COL5A1: variants seen among roughly 807,000 people sequenced by gnomAD.
COL5A1 encodes collagen alpha-1(V) chain.
A neutral mutation model predicts 263.7 loss-of-function variants in COL5A1; 16 were observed. That is an observed-to-expected ratio of 0.06 (90% CI 0.04 to 0.09). COL5A1 has a LOEUF of 0.09. Among genes scored for constraint, COL5A1 ranks in the 10% least tolerant of loss-of-function variants. The pLI is 1.00. For synonymous variants in COL5A1, 1,012 were observed against 1,004.5 expected, an observed-to-expected ratio of 1.01 and a Z score of -0.14; for missense variants, 2,036 against 2,540.5, an observed-to-expected ratio of 0.80 and a Z score of 4.27.
At chr9:134,672,730 G>A (rs1310200451) in intron 1 of COL5A1, among the ~76,000 whole-genome samples, 1 of 152,148 alleles carries the variant, frequency 6.6e-6, no homozygotes, top group Non-Finnish European at 1.5e-5. Flanking sequence ...AAGTAAAACT[G>A]TCTTTATTTG....
chr9:134,810,035 T>C (rs1282588660), intron 43 of COL5A1, among the ~76,000 whole-genome samples: 2 of 152,234 alleles, frequency 1.3e-5, no homozygotes, highest in Non-Finnish European at 2.9e-5. Context: ...TCAAGTCTAC[T>C]AAAAGCCTGT....
At position 134,839,260 on chromosome 9, in the gene COL5A1, C is replaced by T. The variant is rs527693618; in HGVS notation, c.5371-2897C>T. ...TAAATCCTGGTGTTTGTGCAGCTTT[C>T]GGCGCCTCTGGGGGGCCGTTCTGGC... On this transcript the variant is annotated intron_variant, in intron 65 of 65. Coordinates refer to ENST00000371817, the MANE Select transcript of COL5A1 (RefSeq NM_000093.5). Among the ~76,000 whole-genome samples the T allele has an allele frequency of 9.8e-5, 15 of 152,326 alleles. 1 individual carries two copies. Among genetic ancestry groups the T allele is most frequent in the South Asian group, 8.3e-4 (4 of 4,826 alleles).
At chr9:134,733,896 C>T (rs995729971) in intron 9 of COL5A1, among the ~76,000 whole-genome samples, 1 of 152,236 alleles carries the variant, frequency 6.6e-6, no homozygotes, top group African/African-American at 2.4e-5. Context: ...TTCTTTTGTG[C>T]TGTCCCCATT....
At chr9:134,687,733 GGT>G (rs1364100899) in intron 1 of COL5A1, among the ~76,000 whole-genome samples, 1 of 152,190 alleles carries the variant, frequency 6.6e-6, no homozygotes, top group East Asian at 1.9e-4. Flanking sequence ...TGGGCTGCTC[GGT>G]GGGTCCTCTG....
At chr9:134,663,699 G>A (rs1004337467) in intron 1 of COL5A1, among the ~76,000 whole-genome samples, 20 of 152,322 alleles carry the variant, frequency 1.3e-4, no homozygotes, top group South Asian at 1.2e-3. Flanking sequence ...TTGTGGTGGC[G>A]GATGGGGAAC....
intron 1 of COL5A1, among the ~76,000 whole-genome samples, chr9:134,667,540 A>T (rs1418679123): frequency 6.6e-6 from 1 of 152,192 alleles, no homozygotes; most frequent in East Asian, 1.9e-4. Flanking sequence ...TCATAACTGC[A>T]CCATCTCCAT....
chr9:134,698,065 C>T (rs964089204), intron 2 of COL5A1, among the ~76,000 whole-genome samples: 1 of 152,176 alleles, frequency 6.6e-6, no homozygotes, highest in African/African-American at 2.4e-5. Context: ...ACCTGGGCGA[C>T]AGAACGAGAC....
chr9:134,714,251 G>A (rs11103476), intron 4 of COL5A1, among the ~76,000 whole-genome samples: 11,244 of 151,976 alleles, frequency 0.074, 469 homozygotes, highest in East Asian at 0.11. Context: ...ATCCAGGACT[G>A]TTGATGATGG....
intron 57 of COL5A1, 152 bp downstream of exon 57, chr9:134,819,205 G>A: frequency 1.2e-6 from 1 of 858,450 alleles, no homozygotes; most frequent in Non-Finnish European, 1.9e-6. Flanking sequence ...GGTGACAAAG[G>A]AAAATAGACA....
rs924193712 is a variant in COL5A1 at position 134,677,725 on chromosome 9, C to T, written c.110-13187C>T. ...CCTTTCTCAGTCCGGCCATCTTACT[C>T]CCTGTTCCTCCTTCATCTCTTCACG... is the stretch of plus-strand genomic sequence containing the variant. On this transcript the variant is annotated intron_variant, in intron 1 of 65. Transcript: ENST00000371817. This position sits in a 1 kb window ranked among gnomAD's most constrained non-coding sequence, Gnocchi z 4.4. Among the ~76,000 whole-genome samples, 1 of 152,228 alleles carries T rather than the reference C, an allele frequency of 6.6e-6. No homozygotes were observed. Among genetic ancestry groups the T allele is most frequent in the Non-Finnish European group, 1.5e-5 (1 of 68,036 alleles).
At position 134,682,650 on chromosome 9, in the gene COL5A1, A is replaced by G. The variant is rs1190477987; in HGVS notation, c.110-8262A>G. Among the ~76,000 whole-genome samples, 2 of 152,196 alleles carry G rather than the reference A, an allele frequency of 1.3e-5. No homozygotes were observed. The highest frequency in any genetic ancestry group is 2.9e-5 in the Non-Finnish European group (2 of 68,030). On this transcript the variant is annotated intron_variant, in intron 1 of 65. Transcript: ENST00000371817. The surrounding 1 kb of genome is among the most constrained non-coding windows in gnomAD (Gnocchi z 5.1). ...ACTGAGGGGCACTCCTTGACTGGAA[A>G]GTAACAGTGGGCACTGCTCCGGCTC...
In COL5A1 at chr9:134,711,629, C is replaced by A. The variant is rs115207274; in HGVS notation, c.654+10296C>A. On this transcript the variant is annotated intron_variant, in intron 4 of 65. Transcript: ENST00000371817. Reference sequence around the variant, plus strand: ...AGGTAAAGCCACCTGCCCACAGTCACACAGCTGGGAACAGTCAGGGCAGGA... The same window carrying A: ...AGGTAAAGCCACCTGCCCACAGTCAAACAGCTGGGAACAGTCAGGGCAGGA... 7.0e-3 allele frequency among the ~76,000 whole-genome samples: 1,069 copies of A among 152,200 alleles called. 10 individuals carry two copies. Among genetic ancestry groups the A allele is most frequent in the African/African-American group, 0.025 (1,019 of 41,500 alleles).
At chr9:134,829,751 C>A (rs544773239) in intron 63 of COL5A1, among the ~76,000 whole-genome samples, 1 of 152,150 alleles carries the variant, frequency 6.6e-6, no homozygotes, top group African/African-American at 2.4e-5. Flanking sequence ...GCTCATCCCC[C>A]CAAGGACCTG....
chr9:134,753,762 C>A, intron 14 of COL5A1, 88 bp from the exon 15 acceptor site: 1 of 690,848 alleles, frequency 1.4e-6, no homozygotes, highest in Non-Finnish European at 2.6e-6. Context: ...TGTCCCCTCC[C>A]CCTGCCCCTC....
chr9:134,801,193 C>T (rs1045509920), intron 37 of COL5A1, among the ~76,000 whole-genome samples: 35 of 152,222 alleles, frequency 2.3e-4, no homozygotes, highest in African/African-American at 7.5e-4. Context: ...CTAAAAATAA[C>T]GCATCCAAGC....
intron 37 of COL5A1, among the ~76,000 whole-genome samples, chr9:134,799,321 C>A (rs1417174988): frequency 1.3e-5 from 2 of 152,228 alleles, no homozygotes; most frequent in Non-Finnish European, 2.9e-5. Context: ...ACGCCTGTAA[C>A]CTGGCCCACA....
At chr9:134,649,200 A>G (rs1285669918) in intron 1 of COL5A1, among the ~76,000 whole-genome samples, 1 of 152,278 alleles carries the variant, frequency 6.6e-6, no homozygotes, top group Non-Finnish European at 1.5e-5. Context: ...CTGGATGCTC[A>G]GTGGAGGGGT....
At chr9:134,809,673 G>A (rs1484726142) in intron 43 of COL5A1, among the ~76,000 whole-genome samples, 6 of 152,170 alleles carry the variant, frequency 3.9e-5, no homozygotes, top group Admixed American at 6.5e-5. Flanking sequence ...AAATGTCTCC[G>A]CTTGAATTAT....
At chr9:134,666,287 A>G (rs1832353055) in intron 1 of COL5A1, among the ~76,000 whole-genome samples, 1 of 152,054 alleles carries the variant, frequency 6.6e-6, no homozygotes, top group African/African-American at 2.4e-5. Flanking sequence ...GCTGGTACCT[A>G]CCTCTCCTGG....
Sources: gnomAD v4.1 joint callset for allele counts (sites outside exome capture counted in the v4.1 genomes callset) on GRCh38, gnomAD v4.1.1 for gene constraint, Gnocchi (gnomAD v3.1) non-coding constraint, MANE v1.5 for transcripts, NCBI Gene and HGNC (gene_info 2026-07-23, HGNC 2026-07-21) for gene names.